ZFAND3: variants seen among roughly 807,000 people sequenced by gnomAD.
ZFAND3 encodes zinc finger AN1-type containing 3.
ZFAND3 carries 10 observed loss-of-function variants against 29.6 expected under a neutral mutation model. The observed-to-expected ratio is 0.34, with a 90% confidence interval of 0.21 to 0.57. The LOEUF is 0.57. Ranked by LOEUF, ZFAND3 falls within the 20% of genes least tolerant of loss-of-function variation. The pLI is 0.86. For synonymous variants in ZFAND3, 128 were observed against 112.6 expected, an observed-to-expected ratio of 1.14 and a Z score of -0.87; for missense variants, 230 against 304.5, an observed-to-expected ratio of 0.76 and a Z score of 1.82.
chr6:38,090,772 G>T (rs1197055518), intron 4 of ZFAND3, among the ~76,000 whole-genome samples: 1 of 151,968 alleles, frequency 6.6e-6, no homozygotes, highest in Non-Finnish European at 1.5e-5. Context: ...GAAGGAGTGA[G>T]GTAAAATATA....
intron 2 of ZFAND3, among the ~76,000 whole-genome samples, chr6:37,997,493 G>C (rs968952879): frequency 2.6e-5 from 4 of 152,180 alleles, no homozygotes; most frequent in African/African-American, 9.7e-5. Flanking sequence ...TAGTGTGAGA[G>C]ACAAGACTCA....
chr6:38,063,170 A>G (rs185048965), intron 3 of ZFAND3, among the ~76,000 whole-genome samples: 13 of 152,350 alleles, frequency 8.5e-5, no homozygotes, highest in South Asian at 6.2e-4. Flanking sequence ...TGTGTTCTGT[A>G]TACTAACTTT....
chr6:37,865,248 A>G (rs1377949261), intron 1 of ZFAND3, among the ~76,000 whole-genome samples: 1 of 152,226 alleles, frequency 6.6e-6, no homozygotes, highest in Non-Finnish European at 1.5e-5. Flanking sequence ...GCTTTAAATC[A>G]TCTCTAGATT....
At chr6:37,872,503 C>T (rs910120183) in intron 1 of ZFAND3, among the ~76,000 whole-genome samples, 2 of 152,058 alleles carry the variant, frequency 1.3e-5, no homozygotes, top group African/African-American at 4.8e-5. Flanking sequence ...TTACCAAAAC[C>T]TCAGAAACCC....
chr6:37,828,070 A>G (rs941548310), intron 1 of ZFAND3, among the ~76,000 whole-genome samples: 11 of 152,220 alleles, frequency 7.2e-5, no homozygotes, highest in African/African-American at 2.7e-4. Context: ...CTGTTGATGT[A>G]TCTGCTTCTT....
At chr6:37,993,848 CAGT>C (rs1185854783) in intron 2 of ZFAND3, among the ~76,000 whole-genome samples, 7 of 152,144 alleles carry the variant, frequency 4.6e-5, no homozygotes, top group Admixed American at 2.6e-4. Context: ...TTATACAACA[CAGT>C]AGTATTTTTG....
At chr6:37,890,684 T>C (rs748084132) in intron 1 of ZFAND3, among the ~76,000 whole-genome samples, 4 of 152,272 alleles carry the variant, frequency 2.6e-5, no homozygotes, top group African/African-American at 7.2e-5. Context: ...ACATTAGTTA[T>C]AATTGTTGCT....
intron 1 of ZFAND3, among the ~76,000 whole-genome samples, chr6:37,846,665 T>G (rs1343035654): frequency 6.6e-6 from 1 of 152,070 alleles, no homozygotes; most frequent in Non-Finnish European, 1.5e-5. Context: ...CAAATCTAGT[T>G]TGTTAGTATC....
chr6:38,045,939 C>T (rs1489513579), intron 2 of ZFAND3, among the ~76,000 whole-genome samples: 1 of 152,308 alleles, frequency 6.6e-6, no homozygotes, highest in South Asian at 2.1e-4. Context: ...GTTATGAACT[C>T]TAAAGTGGTT....
At chr6:38,144,476 C>T (rs1393348395) in intron 5 of ZFAND3, among the ~76,000 whole-genome samples, 1 of 152,084 alleles carries the variant, frequency 6.6e-6, no homozygotes, top group Non-Finnish European at 1.5e-5. Context: ...ACCAGATCTA[C>T]CTGCCTGGGC....
chr6:38,002,866 A>C (rs1056612934), intron 2 of ZFAND3: 2 of 152,300 alleles, frequency 1.3e-5, no homozygotes, highest in East Asian at 3.9e-4. Context: ...CGCTGGCTTC[A>C]TCTGGGCCTT....
At chr6:37,831,928 A>G (rs10485029) in intron 1 of ZFAND3, among the ~76,000 whole-genome samples, 58,551 of 152,066 alleles carry the variant, frequency 0.39, 12,091 homozygotes, top group Non-Finnish European at 0.47. Context: ...GATTTTAAGC[A>G]TGGATAACAG....
Position 37,819,930 on chromosome 6 carries a change from G to GCCGCCGCCGCCGAGCT in ZFAND3, c.-7_-6insCCGAGCTCCGCCGCCG. 1 of 1,212,130 alleles carries GCCGCCGCCGCCGAGCT rather than the reference G, an allele frequency of 8.2e-7. No homozygotes were observed. The highest frequency in any genetic ancestry group is 1.0e-6 in the Non-Finnish European group (1 of 976,858). 75.1% of individuals were successfully genotyped at this position (1,212,130 alleles called of 1,614,324 possible). A position where few individuals can be genotyped will look rare whatever the true frequency, so the allele number is the denominator to read the frequency against. The stretch of plus-strand genomic sequence containing the variant: ...GCCACCGCTGCCGCCGCCGAGCTCC[G>GCCGCCGCCGCCGAGCT]CCGCCGCCGAGCACCATGGGAGACG... On this transcript the variant is annotated 5_prime_UTR_variant, in exon 1 of 6. Transcript: ENST00000287218.
At chr6:38,151,936 G>T (rs903857803) in intron 5 of ZFAND3, among the ~76,000 whole-genome samples, 1 of 152,134 alleles carries the variant, frequency 6.6e-6, no homozygotes, top group African/African-American at 2.4e-5. Flanking sequence ...GGAGAGGAGC[G>T]CAGAGCCCAC....
intron 1 of ZFAND3, among the ~76,000 whole-genome samples, chr6:37,866,411 T>A (rs1764591710): frequency 6.6e-6 from 1 of 152,200 alleles, no homozygotes; most frequent in Non-Finnish European, 1.5e-5. Flanking sequence ...ATTATCTTGA[T>A]AACCCCCACT....
intron 1 of ZFAND3, among the ~76,000 whole-genome samples, chr6:37,921,266 C>T (rs1451018845): frequency 6.6e-6 from 1 of 152,024 alleles, no homozygotes; most frequent in Non-Finnish European, 1.5e-5. Flanking sequence ...GAAGAAGGAA[C>T]TTTCTTTGTA....
chr6:37,954,581 T>C (rs1473890626), intron 2 of ZFAND3, among the ~76,000 whole-genome samples: 1 of 151,570 alleles, frequency 6.6e-6, no homozygotes, highest in Non-Finnish European at 1.5e-5. Context: ...ATTCCGTATG[T>C]TTTAATGTTT....
At chr6:37,952,424 A>G (rs1165538579) in intron 2 of ZFAND3, among the ~76,000 whole-genome samples, 2 of 152,104 alleles carry the variant, frequency 1.3e-5, no homozygotes, top group Admixed American at 6.6e-5. Flanking sequence ...TCCTGGTTCA[A>G]TCTTGGGAGG....
intron 2 of ZFAND3, among the ~76,000 whole-genome samples, chr6:38,028,255 A>G (rs1414684170): frequency 6.6e-6 from 1 of 152,186 alleles, no homozygotes; most frequent in Non-Finnish European, 1.5e-5. Flanking sequence ...CAAGACAGTG[A>G]TGTATATGAG....
Sources: gnomAD v4.1 joint callset for allele counts (sites outside exome capture counted in the v4.1 genomes callset) on GRCh38, gnomAD v4.1.1 for gene constraint, MANE v1.5 for transcripts, NCBI Gene and HGNC (gene_info 2026-07-23, HGNC 2026-07-21) for gene names.